Variants in RNF169 observed in about 807,000 individuals in gnomAD.
The protein encoded by RNF169 is E3 ubiquitin-protein ligase RNF169.
Under a neutral mutation model 53.9 loss-of-function variants are expected in RNF169, and 24 were observed. The ratio of observed to expected loss-of-function variants is 0.45; its 90% CI spans 0.32 to 0.63. The LOEUF (loss-of-function observed/expected upper bound fraction) is 0.63, where lower values mean the gene tolerates loss of function less well. Among genes scored for constraint, RNF169 ranks in the 20% least tolerant of loss-of-function variants. RNF169 has a pLI of 0.04. For synonymous variants in RNF169, 396 were observed against 363.5 expected, an observed-to-expected ratio of 1.09 and a Z score of -1.02; for missense variants, 883 against 906.2, an observed-to-expected ratio of 0.97 and a Z score of 0.33.
At chr11:74,781,275 C>T (rs1028362229) in intron 1 of RNF169, among the ~76,000 whole-genome samples, 41 of 152,140 alleles carry the variant, frequency 2.7e-4, no homozygotes, top group African/African-American at 9.9e-4. Flanking sequence ...GTGATCTGCC[C>T]CCTCATTCTA....
In RNF169 at chr11:74,839,232, T is replaced by C. The variant is rs1181653203; in HGVS notation, c.*2502T>C. ...TTCTAAACTTCCTGCTGAGCAACAG[T>C]CCTTCAAATATAGGTAGAGTGGTCT... On this transcript the variant is annotated 3_prime_UTR_variant, in exon 6 of 6. Transcript: ENST00000299563. The C allele has an allele frequency of 6.6e-6, 1 of 152,148 alleles. No individual in the cohort carries two copies. The highest frequency in any genetic ancestry group is 1.5e-5 in the Non-Finnish European group (1 of 68,030). 9.4% of individuals were successfully genotyped at this position (152,148 alleles called of 1,614,324 possible).
In RNF169 at chr11:74,749,056, TGCCGCCGCG is replaced by T. The variant is rs754040816; in HGVS notation, c.181_189del (p.Pro61_Pro63del). On this transcript the variant is annotated inframe_deletion, in exon 1 of 6. Transcript: ENST00000299563. ...TCGCCGCCGTTGCTGCAGCCGCCGC[TGCCGCCGCG>T]GCCGGAGGAATCGGGCTGCGCCGGG... The T allele has an allele frequency of 1.8e-5, 26 of 1,468,322 alleles. No homozygotes were observed. The highest frequency in any genetic ancestry group is 4.8e-4 in the Middle Eastern group (2 of 4,154). The allele number at this position is 1,468,322 out of a possible 1,614,324, so 91.0% of individuals were successfully genotyped here.
At chr11:74,749,992 T>G (rs190178387) in intron 1 of RNF169, among the ~76,000 whole-genome samples, 42 of 152,222 alleles carry the variant, frequency 2.8e-4, no homozygotes, top group Non-Finnish European at 5.1e-4. Flanking sequence ...GTAATACTAG[T>G]ACTACTAAGT....
intron 4 of RNF169, among the ~76,000 whole-genome samples, chr11:74,825,647 T>G (rs1312272977): frequency 2.0e-5 from 3 of 152,230 alleles, no homozygotes; most frequent in Non-Finnish European, 4.4e-5. Context: ...TAACTCATTC[T>G]ATAAGGCCTG....
chr11:74,761,141 T>C (rs1460242092), intron 1 of RNF169, among the ~76,000 whole-genome samples: 7 of 131,314 alleles, frequency 5.3e-5, no homozygotes, highest in Admixed American at 2.4e-4. Context: ...AACCCCTGCC[T>C]TTTTTTGTTT....
chr11:74,764,226 T>A (rs525802), intron 1 of RNF169, among the ~76,000 whole-genome samples: 1 of 152,120 alleles, frequency 6.6e-6, no homozygotes, highest in East Asian at 1.9e-4. Flanking sequence ...AATTTCATAC[T>A]CAGGTGAGTT....
At chr11:74,779,808 G>A (rs2035390370) in intron 1 of RNF169, among the ~76,000 whole-genome samples, 1 of 152,120 alleles carries the variant, frequency 6.6e-6, no homozygotes, top group African/African-American at 2.4e-5. Flanking sequence ...ATTTGACAGT[G>A]GTTGTTCAAG....
intron 1 of RNF169, among the ~76,000 whole-genome samples, chr11:74,772,981 G>A (rs1007713778): frequency 2.6e-5 from 4 of 152,118 alleles, no homozygotes; most frequent in African/African-American, 4.8e-5. Flanking sequence ...TATTTAATCC[G>A]TAATGGAGAT....
In RNF169 at chr11:74,841,380, A is replaced by G. The variant is rs1225425517; in HGVS notation, c.*4650A>G. 6.6e-6 allele frequency: 1 copy of G among 152,230 alleles called. No individual in the cohort carries two copies. Among genetic ancestry groups the G allele is most frequent in the African/African-American group, 2.4e-5 (1 of 41,458 alleles). 9.4% of individuals were successfully genotyped at this position (152,230 alleles called of 1,614,324 possible). On this transcript the variant is annotated 3_prime_UTR_variant, in exon 6 of 6. Transcript: ENST00000299563. The stretch of plus-strand genomic sequence containing the variant: ...TGATCTAGGAAATGCATCTTTATAC[A>G]TGATTGTTAGCTGCTGTAGCTTTCT...
intron 2 of RNF169, among the ~76,000 whole-genome samples, chr11:74,796,613 A>G (rs1435207074): frequency 6.6e-6 from 1 of 152,190 alleles, no homozygotes; most frequent in Admixed American, 6.5e-5. Context: ...TTTGGGAAAC[A>G]CATAATCCAG....
intron 4 of RNF169, among the ~76,000 whole-genome samples, chr11:74,825,190 T>G (rs1038850010): frequency 2.6e-5 from 4 of 152,222 alleles, no homozygotes; most frequent in Non-Finnish European, 5.9e-5. Flanking sequence ...TTCTCCAATA[T>G]AGACTGTATG....
chr11:74,798,335 G>A (rs1045639180), intron 2 of RNF169, among the ~76,000 whole-genome samples: 9 of 152,204 alleles, frequency 5.9e-5, no homozygotes, highest in Non-Finnish European at 7.3e-5. Flanking sequence ...CTGGGAGTGG[G>A]TCTCTGAACT....
At chr11:74,756,359 G>A (rs1387436271) in intron 1 of RNF169, among the ~76,000 whole-genome samples, 2 of 152,140 alleles carry the variant, frequency 1.3e-5, no homozygotes, top group East Asian at 1.9e-4. Context: ...CAGACTACCT[G>A]GGTTCAAATT....
intron 1 of RNF169, among the ~76,000 whole-genome samples, chr11:74,769,401 A>G (rs920430209): frequency 3.9e-5 from 6 of 152,224 alleles, no homozygotes; most frequent in Non-Finnish European, 5.9e-5. Flanking sequence ...GTTGCCATAC[A>G]ACCACGTTGG....
At chr11:74,779,560 G>A (rs1372777156) in intron 1 of RNF169, among the ~76,000 whole-genome samples, 2 of 152,030 alleles carry the variant, frequency 1.3e-5, no homozygotes, top group Non-Finnish European at 2.9e-5. Flanking sequence ...AGAATCAGAA[G>A]GAGTAAACCA....
chr11:74,799,593 G>T (rs1048279904), intron 2 of RNF169, among the ~76,000 whole-genome samples: 1 of 151,984 alleles, frequency 6.6e-6, no homozygotes, highest in Non-Finnish European at 1.5e-5. Context: ...TATTTTTATG[G>T]TTTAAGTATT....
intron 2 of RNF169, among the ~76,000 whole-genome samples, chr11:74,795,511 C>G (rs1041194700): frequency 1.3e-5 from 2 of 152,148 alleles, no homozygotes; most frequent in African/African-American, 2.4e-5. Context: ...TGAGCACCCA[C>G]AAACATATGT....
At chr11:74,793,680 A>G (rs1274633190) in intron 2 of RNF169, among the ~76,000 whole-genome samples, 1 of 152,186 alleles carries the variant, frequency 6.6e-6, no homozygotes, top group Non-Finnish European at 1.5e-5. Context: ...TTGAGTTGGT[A>G]TGCTTACTGA....
At chr11:74,783,531 C>G (rs190142051) in intron 1 of RNF169, among the ~76,000 whole-genome samples, 1 of 152,240 alleles carries the variant, frequency 6.6e-6, no homozygotes, top group African/African-American at 2.4e-5. Context: ...AAGTAGTTTC[C>G]AGCATTTCTG....
Sources: gnomAD v4.1 joint callset for allele counts (sites outside exome capture counted in the v4.1 genomes callset) on GRCh38, gnomAD v4.1.1 for gene constraint, MANE v1.5 for transcripts, NCBI Gene and HGNC (gene_info 2026-07-23, HGNC 2026-07-21) for gene names.